The following MRPS31 variants were observed in gnomAD, a reference collection of about 807,000 sequenced individuals.
The protein encoded by MRPS31 is small ribosomal subunit protein mS31.
MRPS31 carries 32 observed loss-of-function variants against 43.1 expected under a neutral mutation model. The ratio of observed to expected loss-of-function variants is 0.74; its 90% CI spans 0.56 to 1.00. The LOEUF is 1.00. MRPS31 is among the 50% of genes least tolerant of loss of function. The pLI, the probability that MRPS31 is intolerant of heterozygous loss-of-function variation, is 0.00. For missense variants in MRPS31, 437 were observed against 466.7 expected (o/e 0.94, Z 0.59); for synonymous variants, 165 against 161.6 (o/e 1.02, Z -0.16).
intron 6 of MRPS31, among the ~76,000 whole-genome samples, chr13:40,732,597 G>A (rs767031424): frequency 3.3e-5 from 5 of 152,078 alleles, no homozygotes; most frequent in African/African-American, 4.8e-5. Context: ...AGCCAGGTGT[G>A]GTGGTGTGCA....
At chr13:40,768,593 C>T (rs987065088) in intron 1 of MRPS31, among the ~76,000 whole-genome samples, 3 of 152,044 alleles carry the variant, frequency 2.0e-5, no homozygotes, top group African/African-American at 7.3e-5. Flanking sequence ...GACAGGGTTT[C>T]GCCATGTTGC....
chr13:40,735,633 G>A (rs1455706743), intron 6 of MRPS31, among the ~76,000 whole-genome samples: 23 of 151,928 alleles, frequency 1.5e-4, no homozygotes, highest in East Asian at 5.8e-4. Flanking sequence ...CCTGACCCCC[G>A]AGCAGCCTAA....
chr13:40,733,428 G>A (rs1175424990), intron 6 of MRPS31, among the ~76,000 whole-genome samples: 5 of 152,080 alleles, frequency 3.3e-5, no homozygotes, highest in Non-Finnish European at 7.4e-5. Context: ...TTGGGAGGCC[G>A]AAATTATCAA....
intron 6 of MRPS31, among the ~76,000 whole-genome samples, chr13:40,739,374 T>TAGAGATTC (rs968720257): frequency 2.6e-5 from 4 of 152,172 alleles, no homozygotes; most frequent in Admixed American, 2.0e-4. Context: ...CAAGGTAATT[T>TAGAGATTC]ACAGATTCAA....
At chr13:40,737,052 A>G (rs1262192957) in intron 6 of MRPS31, among the ~76,000 whole-genome samples, 5 of 152,056 alleles carry the variant, frequency 3.3e-5, no homozygotes, top group Admixed American at 1.3e-4. Flanking sequence ...ACGTGCAGAC[A>G]CACACATAGG....
At chr13:40,756,220 A>T (rs184397646) in intron 4 of MRPS31, among the ~76,000 whole-genome samples, 91 of 152,336 alleles carry the variant, frequency 6.0e-4, no homozygotes, top group Non-Finnish European at 4.7e-4. Context: ...GACCATGCCA[A>T]ATATCTGGTT....
intron 2 of MRPS31, among the ~76,000 whole-genome samples, chr13:40,761,129 G>A (rs1248268648): frequency 6.6e-6 from 1 of 151,842 alleles, no homozygotes; most frequent in Admixed American, 6.6e-5. Context: ...TTAGCCAGGT[G>A]TGGTGGCATG....
chr13:40,734,246 C>T (rs1879805674), intron 6 of MRPS31, among the ~76,000 whole-genome samples: 1 of 152,116 alleles, frequency 6.6e-6, no homozygotes, highest in African/African-American at 2.4e-5. Context: ...GGTCTCAAAG[C>T]ATGTGCTTCA....
chr13:40,770,930 C>T (rs1880988749), intron 1 of MRPS31, 55 bp downstream of exon 1: 2 of 1,610,584 alleles, frequency 1.2e-6, no homozygotes, highest in Non-Finnish European at 1.7e-6. Flanking sequence ...GTAACATCGA[C>T]CCCAGGAAGT....
In MRPS31 at chr13:40,744,883, G is replaced by A. The variant is rs1880199615; in HGVS notation, c.958+4255C>T. ...CCCACCTCGGCCTCCCAAAGTGCTGGGATTACAGGCATGAGCCACTGCACC... is the reference window on the plus strand; with the variant it reads ...CCCACCTCGGCCTCCCAAAGTGCTGAGATTACAGGCATGAGCCACTGCACC... On this transcript the variant is annotated intron_variant, in intron 6 of 6. Coordinates refer to ENST00000323563, the MANE Select transcript of MRPS31 (RefSeq NM_005830.4). Among the ~76,000 whole-genome samples the A allele has an allele frequency of 2.0e-5, 3 of 151,776 alleles. No homozygotes were observed. In the South Asian group the frequency reaches 6.2e-4, roughly 32 times the overall value.
intron 3 of MRPS31, among the ~76,000 whole-genome samples, chr13:40,757,943 C>T (rs1329908244): frequency 1.3e-5 from 2 of 150,526 alleles, no homozygotes; most frequent in Non-Finnish European, 3.0e-5. Flanking sequence ...GAGATCCAGA[C>T]CATCCTGGCT....
intron 6 of MRPS31, among the ~76,000 whole-genome samples, chr13:40,738,536 T>C (rs906818267): frequency 7.8e-4 from 119 of 152,018 alleles, no homozygotes; most frequent in Non-Finnish European, 1.4e-3. Flanking sequence ...GCAAAAATCC[T>C]CAATAAAATA....
In MRPS31 at chr13:40,766,828, G is replaced by A. The variant is rs1213088369; in HGVS notation, c.358C>T (p.Pro120Ser). ...CTTTTAAGTGGTCTTCTTTTGGGGGGCTTTGTTGTTCGTACATTTACTGTG... is the reference window on the plus strand; with the variant it reads ...CTTTTAAGTGGTCTTCTTTTGGGGGACTTTGTTGTTCGTACATTTACTGTG... The part of the protein sequence containing the change: ...LSTVNVRTTK[P>S]PKRRPLKSLE... Residue 120 changes from proline (P) to serine (S), a missense_variant, in exon 2 of 7, where the codon CCC becomes TCC. Pro to Ser is a moderately conservative substitution (Grantham distance 74, BLOSUM62 -1). Coordinates refer to ENST00000323563, the MANE Select transcript of MRPS31 (RefSeq NM_005830.4). 1 of 1,613,968 alleles carries A rather than the reference G, an allele frequency of 6.2e-7. No homozygotes were observed. The highest frequency in any genetic ancestry group is 2.2e-5 in the East Asian group (1 of 44,870).
At chr13:40,770,871 T>C (rs1461483742) in intron 1 of MRPS31, 114 bp downstream of exon 1, 10 of 1,357,778 alleles carry the variant, frequency 7.4e-6, no homozygotes, top group Non-Finnish European at 1.0e-5. Context: ...CTTTCTGGGA[T>C]TTCTCTTTCC....
intron 6 of MRPS31, among the ~76,000 whole-genome samples, chr13:40,735,739 A>G (rs1879881356): frequency 6.6e-6 from 1 of 151,168 alleles, no homozygotes; most frequent in Admixed American, 6.6e-5. Flanking sequence ...TAGAAGGAAA[A>G]CTAACAAACA....
intron 6 of MRPS31, among the ~76,000 whole-genome samples, chr13:40,734,126 A>G (rs968463764): frequency 1.8e-4 from 28 of 152,156 alleles, no homozygotes; most frequent in African/African-American, 6.8e-4. Flanking sequence ...AAGAAAGACA[A>G]TGGAGCAAAG....
chr13:40,760,251 T>C (rs1257585035), intron 2 of MRPS31, among the ~76,000 whole-genome samples: 1 of 151,132 alleles, frequency 6.6e-6, no homozygotes, highest in Non-Finnish European at 1.5e-5. Flanking sequence ...GACTGATGGC[T>C]ACTGACTGGG....
rs77896392 is a variant in MRPS31, at chr13:40,729,549, G to T, written c.1011C>A (p.His337Gln). 1 of 1,613,906 alleles carries T rather than the reference G, an allele frequency of 6.2e-7. No individual in the cohort carries two copies. Among genetic ancestry groups the T allele is most frequent in the East Asian group, 2.2e-5 (1 of 44,870 alleles). The change falls in exon 7 of 7, where the codon CAC (histidine) becomes CAA (glutamine). Residue 337 changes from histidine to glutamine, a missense_variant. By Grantham distance (24) the His-to-Gln change is conservative. Transcript: ENST00000323563. The stretch of plus-strand genomic sequence containing the variant: ...GTCCTTGTTTTGGAAAGCTCTCCAG[G>T]TGTTTCTCCAGAAATATATGTTCAT... ...EFHEHIFLEK[H>Q]LESFPKQGPI... is the part of the protein sequence containing the mutation.
At chr13:40,767,081 C>A in intron 1 of MRPS31, 48 bp from the exon 2 acceptor site, 6 of 1,432,084 alleles carry the variant, frequency 4.2e-6, no homozygotes, top group Admixed American at 2.4e-5. Context: ...ATGCAGTCTA[C>A]AATAAAGTAA....
Sources: allele counts gnomAD v4.1 joint callset (sites outside exome capture counted in the v4.1 genomes callset), GRCh38; gene constraint gnomAD v4.1.1; transcripts MANE v1.5; gene names NCBI Gene and HGNC (gene_info 2026-07-23, HGNC 2026-07-21).